Variants in CTNNA3 observed in about 807,000 individuals in gnomAD.
CTNNA3 encodes the protein catenin alpha-3.
CTNNA3 carries 76 observed loss-of-function variants against 95.7 expected under a neutral mutation model. The observed-to-expected ratio is 0.79, with a 90% CI of 0.66 to 0.96. CTNNA3 has a LOEUF of 0.96. CTNNA3 is among the 40% of genes least tolerant of loss of function. CTNNA3 has a pLI of 0.00. For missense variants in CTNNA3, 1,191 were observed against 1,089.8 expected (o/e 1.09, Z -1.31); for synonymous variants, 431 against 374.4 (o/e 1.15, Z -1.74).
At chr10:65,949,455 G>T (rs2077574923) in intron 17 of CTNNA3, among the ~76,000 whole-genome samples, 1 of 152,086 alleles carries the variant, frequency 6.6e-6, no homozygotes, top group Non-Finnish European at 1.5e-5. Flanking sequence ...CCTATAAAGT[G>T]ACAGTAAAGG....
At chr10:67,647,122 A>C (rs978006009) in intron 2 of CTNNA3, among the ~76,000 whole-genome samples, 2 of 144,244 alleles carry the variant, frequency 1.4e-5, no homozygotes, top group Non-Finnish European at 3.0e-5. Context: ...AAAGAAGATA[A>C]TTTATATAAA....
chr10:66,778,881 C>T (rs1840417074), intron 7 of CTNNA3, among the ~76,000 whole-genome samples: 1 of 152,100 alleles, frequency 6.6e-6, no homozygotes, highest in South Asian at 2.1e-4. Context: ...GAGGCTAAGG[C>T]AGGAGAATTG....
intron 12 of CTNNA3, among the ~76,000 whole-genome samples, chr10:66,346,246 T>TATATATATATAGAGAGAG (rs1416945569): frequency 1.4e-4 from 4 of 27,782 alleles, no homozygotes; most frequent in Non-Finnish European, 3.0e-4. Context: ...TATATATATA[T>TATATATATATAGAGAGAG]AGAGAGAGAG....
chr10:66,600,801 C>G (rs562420121), intron 10 of CTNNA3, among the ~76,000 whole-genome samples: 15 of 151,964 alleles, frequency 9.9e-5, no homozygotes, highest in Admixed American at 9.2e-4. Context: ...ATATGACAGT[C>G]AAAAGCATTG....
intron 7 of CTNNA3, among the ~76,000 whole-genome samples, chr10:67,018,909 C>T (rs1852820286): frequency 6.6e-6 from 1 of 152,200 alleles, no homozygotes; most frequent in African/African-American, 2.4e-5. Context: ...ACTAGCTAAT[C>T]TGGCAAGTGG....
At chr10:67,231,032 C>T (rs907985917) in intron 5 of CTNNA3, among the ~76,000 whole-genome samples, 1 of 152,162 alleles carries the variant, frequency 6.6e-6, no homozygotes, top group Non-Finnish European at 1.5e-5. Flanking sequence ...CTACGCCCAC[C>T]GAGTCTCGCT....
At chr10:67,761,328 T>G (rs1318956481) in intron 1 of CTNNA3, among the ~76,000 whole-genome samples, 1 of 152,214 alleles carries the variant, frequency 6.6e-6, no homozygotes, top group East Asian at 1.9e-4. Context: ...GAGATTGGAC[T>G]AACTTTAATG....
chr10:67,103,590 A>T (rs2131951543), intron 7 of CTNNA3, among the ~76,000 whole-genome samples: 1 of 151,898 alleles, frequency 6.6e-6, no homozygotes, highest in East Asian at 1.9e-4. Context: ...AATAAGGCTC[A>T]TAGTAATTAA....
chr10:67,626,454 A>T (rs1838960142), intron 2 of CTNNA3, among the ~76,000 whole-genome samples: 1 of 152,132 alleles, frequency 6.6e-6, no homozygotes, highest in Admixed American at 6.5e-5. Flanking sequence ...CTTGGTAGTT[A>T]CCTTTGGTTT....
chr10:67,614,098 A>T (rs1007557802), intron 2 of CTNNA3, among the ~76,000 whole-genome samples: 1 of 152,112 alleles, frequency 6.6e-6, no homozygotes, highest in Non-Finnish European at 1.5e-5. Flanking sequence ...GCCAGCTTTT[A>T]TTCCCTTATT....
At chr10:66,419,903 A>G (rs1254455734) in intron 11 of CTNNA3, among the ~76,000 whole-genome samples, 1 of 152,196 alleles carries the variant, frequency 6.6e-6, no homozygotes, top group East Asian at 1.9e-4. Context: ...TGGATTAAAT[A>G]CTCAAGTGTA....
intron 12 of CTNNA3, among the ~76,000 whole-genome samples, chr10:66,366,235 C>T (rs2092710423): frequency 2.0e-5 from 3 of 152,094 alleles, no homozygotes; most frequent in Admixed American, 2.0e-4. Context: ...TCATGAGAAA[C>T]GTTTGCCCAT....
intron 7 of CTNNA3, among the ~76,000 whole-genome samples, chr10:67,131,075 C>T (rs1859977273): frequency 6.6e-6 from 1 of 152,030 alleles, no homozygotes; most frequent in South Asian, 2.1e-4. Flanking sequence ...TACCTCTGGG[C>T]ATTATTTTTC....
intron 7 of CTNNA3, among the ~76,000 whole-genome samples, chr10:67,059,884 T>A (rs931597240): frequency 1.3e-5 from 2 of 152,190 alleles, no homozygotes; most frequent in Non-Finnish European, 2.9e-5. Context: ...AATGAAGATA[T>A]GTAAATATTT....
intron 13 of CTNNA3, among the ~76,000 whole-genome samples, chr10:66,207,386 T>A (rs1371313859): frequency 6.6e-6 from 1 of 151,952 alleles, no homozygotes; most frequent in African/African-American, 2.4e-5. Context: ...TTATATAATA[T>A]GCAACCAAAG....
At chr10:67,716,461 C>G (rs934089992) in intron 1 of CTNNA3, among the ~76,000 whole-genome samples, 1 of 152,138 alleles carries the variant, frequency 6.6e-6, no homozygotes, top group African/African-American at 2.4e-5. Context: ...TCCTAATGCT[C>G]TCCCTCCCCT....
At chr10:66,258,809 C>T (rs1292877639) in intron 13 of CTNNA3, among the ~76,000 whole-genome samples, 1 of 152,134 alleles carries the variant, frequency 6.6e-6, no homozygotes, top group African/African-American at 2.4e-5. Context: ...TATGGCTTTG[C>T]TTCACTGCTA....
intron 11 of CTNNA3, among the ~76,000 whole-genome samples, chr10:66,451,510 C>T (rs1024968990): frequency 4.3e-4 from 65 of 151,886 alleles, no homozygotes; most frequent in African/African-American, 1.5e-3. Context: ...GGTCTAGATT[C>T]GAAGCAATTT....
At chr10:67,677,173 T>C (rs966314682) in intron 1 of CTNNA3, among the ~76,000 whole-genome samples, 2 of 152,190 alleles carry the variant, frequency 1.3e-5, no homozygotes, top group African/African-American at 4.8e-5. Flanking sequence ...AAGACCCTTT[T>C]ACGCTAGTAT....
Sources: allele counts gnomAD v4.1 joint callset (sites outside exome capture counted in the v4.1 genomes callset), GRCh38; gene constraint gnomAD v4.1.1; transcripts MANE v1.5; gene names NCBI Gene and HGNC (gene_info 2026-07-23, HGNC 2026-07-21).